Variants in ZC3H12C observed in about 807,000 individuals in gnomAD.
ZC3H12C encodes probable ribonuclease ZC3H12C.
ZC3H12C carries 20 observed loss-of-function variants against 76.3 expected under a neutral mutation model. That is an observed-to-expected ratio of 0.26 (90% CI 0.18 to 0.38). The LOEUF is 0.38. ZC3H12C is among the 10% of genes least tolerant of loss of function. ZC3H12C has a pLI of 1.00. For missense variants in ZC3H12C, 874 were observed against 1,086.5 expected (o/e 0.80, Z 2.75); for synonymous variants, 352 against 399.6 (o/e 0.88, Z 1.42).
chr11:110,129,502 G>A (rs1035470758), intron 1 of ZC3H12C, among the ~76,000 whole-genome samples: 1 of 152,148 alleles, frequency 6.6e-6, no homozygotes, highest in African/African-American at 2.4e-5. Context: ...ATTCACAAAT[G>A]ATCCTAATTG....
chr11:110,129,614 G>A (rs1363176234), intron 1 of ZC3H12C, among the ~76,000 whole-genome samples: 2 of 152,010 alleles, frequency 1.3e-5, no homozygotes, highest in Non-Finnish European at 2.9e-5. Context: ...AAAAGTCTAG[G>A]CTCTGCATAA....
chr11:110,137,671 G>A (rs1387269714), intron 2 of ZC3H12C, among the ~76,000 whole-genome samples: 1 of 151,860 alleles, frequency 6.6e-6, no homozygotes, highest in African/African-American at 2.4e-5. Flanking sequence ...AAATTTCTAT[G>A]GTATAAAAAT....
At chr11:110,134,622 T>C (rs1861922724) in intron 1 of ZC3H12C, among the ~76,000 whole-genome samples, 1 of 152,194 alleles carries the variant, frequency 6.6e-6, no homozygotes, top group African/African-American at 2.4e-5. Flanking sequence ...TGCATATCTA[T>C]ATTAATAGGA....
intron 2 of ZC3H12C, among the ~76,000 whole-genome samples, chr11:110,141,261 T>A (rs1403541816): frequency 6.6e-6 from 1 of 152,092 alleles, no homozygotes; most frequent in African/African-American, 2.4e-5. Flanking sequence ...ACAGGGAAAA[T>A]GCATTAAGCT....
rs1239263463 is a variant in ZC3H12C at position 110,164,759 on chromosome 11, ATAT to A, written c.1675_1677del (p.Tyr559del). 1 of 1,614,032 alleles carries A rather than the reference ATAT, an allele frequency of 6.2e-7. No individual in the cohort carries two copies. The highest frequency in any genetic ancestry group is 8.5e-7 in the Non-Finnish European group (1 of 1,179,900). ...CTCAGGATCAAAGACCACAGGGACA[ATAT>A]CCTTCAATGATGATGGCAACCAAAA... is the stretch of plus-strand genomic sequence containing the variant. On this transcript the variant is annotated inframe_deletion, in exon 6 of 6. Coordinates refer to ENST00000278590, the MANE Select transcript of ZC3H12C (RefSeq NM_033390.2). The surrounding 1 kb of genome is among the most constrained non-coding windows in gnomAD (Gnocchi z 5.7).
intron 1 of ZC3H12C, among the ~76,000 whole-genome samples, chr11:110,118,467 C>T (rs976846743): frequency 6.6e-6 from 1 of 151,836 alleles, no homozygotes; most frequent in Non-Finnish European, 1.5e-5. Flanking sequence ...TTCGCACCAG[C>T]AAGAAGAAAA....
chr11:110,120,805 C>T (rs1449816912), intron 1 of ZC3H12C, among the ~76,000 whole-genome samples: 7 of 152,200 alleles, frequency 4.6e-5, no homozygotes, highest in South Asian at 2.1e-4. Context: ...TTATGCAGCA[C>T]TTAAACATTG....
chr11:110,109,316 C>T (rs1387772837), intron 1 of ZC3H12C, among the ~76,000 whole-genome samples: 1 of 152,150 alleles, frequency 6.6e-6, no homozygotes, highest in African/African-American at 2.4e-5. Context: ...GCTCTCATTC[C>T]TTCCATGGTT....
intron 1 of ZC3H12C, among the ~76,000 whole-genome samples, chr11:110,111,916 T>C (rs1458017897): frequency 6.6e-6 from 1 of 152,072 alleles, no homozygotes; most frequent in African/African-American, 2.4e-5. Flanking sequence ...GGTAAGCTGC[T>C]CTTATCCTCC....
Position 110,169,457 on chromosome 11 carries a change from C to A in ZC3H12C, c.*3720C>A, listed in dbSNP as rs570627752. The stretch of plus-strand genomic sequence containing the variant: ...TAAAGTATGTTTGGTTTTCATTATT[C>A]TTTTTGCTCTCCAACTTCCTTATTC... On this transcript the variant is annotated 3_prime_UTR_variant, in exon 6 of 6. Coordinates refer to ENST00000278590, the MANE Select transcript of ZC3H12C (RefSeq NM_033390.2). 1.3e-5 allele frequency: 2 copies of A among 150,262 alleles called. No individual in the cohort carries two copies. Among genetic ancestry groups the A allele is most frequent in the Non-Finnish European group, 3.0e-5 (2 of 67,502 alleles). The allele number at this position is 150,262 out of a possible 1,614,324, so 9.3% of individuals were successfully genotyped here.
chr11:110,147,371 C>G (rs1212864826), intron 2 of ZC3H12C, among the ~76,000 whole-genome samples: 1 of 151,930 alleles, frequency 6.6e-6, no homozygotes, highest in African/African-American at 2.4e-5. Context: ...GATTTTCTTC[C>G]ATTGAGATGA....
At chr11:110,142,618 G>C (rs1025468162) in intron 2 of ZC3H12C, among the ~76,000 whole-genome samples, 2 of 152,044 alleles carry the variant, frequency 1.3e-5, no homozygotes, top group Non-Finnish European at 2.9e-5. Flanking sequence ...CCTCTCAACT[G>C]TACTGCTGTT....
At chr11:110,123,763 A>G (rs561811765) in intron 1 of ZC3H12C, among the ~76,000 whole-genome samples, 1 of 152,170 alleles carries the variant, frequency 6.6e-6, no homozygotes, top group East Asian at 1.9e-4. Context: ...ATTCTTGAGT[A>G]TTGTTGGAGT....
rs1862553945 is a variant in ZC3H12C at position 110,165,100 on chromosome 11, ATCC to A, written c.2018_2020del (p.Pro673del). ...CACATGCACCCTCACAGCCGCCTTA[ATCC>A]TCAACCGTTCCTGCAGAATTTCCAC... On this transcript the variant is annotated inframe_deletion, in exon 6 of 6. Coordinates refer to ENST00000278590, the MANE Select transcript of ZC3H12C (RefSeq NM_033390.2). 6.2e-7 allele frequency: 1 copy of A among 1,613,634 alleles called. No individual in the cohort carries two copies. Among genetic ancestry groups the A allele is most frequent in the Admixed American group, 1.7e-5 (1 of 60,004 alleles).
intron 1 of ZC3H12C, among the ~76,000 whole-genome samples, chr11:110,093,934 C>A (rs1190713854): frequency 6.6e-6 from 1 of 152,110 alleles, no homozygotes; most frequent in African/African-American, 2.4e-5. Context: ...CGCCAGCAAC[C>A]CCAGGCCGAG....
chr11:110,119,225 T>A (rs1182664827), intron 1 of ZC3H12C, among the ~76,000 whole-genome samples: 1 of 152,174 alleles, frequency 6.6e-6, no homozygotes, highest in African/African-American at 2.4e-5. Flanking sequence ...AATAGGATCA[T>A]CACTTCTCTT....
intron 1 of ZC3H12C, among the ~76,000 whole-genome samples, chr11:110,106,706 G>T (rs1861335722): frequency 6.6e-6 from 1 of 152,052 alleles, no homozygotes; most frequent in African/African-American, 2.4e-5. Flanking sequence ...TTTATACTTG[G>T]TAGTGGCTGA....
At position 110,170,488 on chromosome 11, in the gene ZC3H12C, A is replaced by G. The variant is rs529293858; in HGVS notation, c.*4751A>G. 11 of 152,342 alleles carry G rather than the reference A, an allele frequency of 7.2e-5. No homozygotes were observed. The highest frequency in any genetic ancestry group is 2.4e-4 in the African/African-American group (10 of 41,594). 9.4% of individuals were successfully genotyped at this position (152,342 alleles called of 1,614,324 possible). ...TTGTAATTTCACATGCTATAGCTTT[A>G]TTCTGTAAGATTAAAAATTGTGACT... is the stretch of plus-strand genomic sequence containing the variant. On this transcript the variant is annotated 3_prime_UTR_variant, in exon 6 of 6. Coordinates refer to ENST00000278590, the MANE Select transcript of ZC3H12C (RefSeq NM_033390.2).
chr11:110,142,399 G>A (rs1862082314), intron 2 of ZC3H12C, among the ~76,000 whole-genome samples: 1 of 152,086 alleles, frequency 6.6e-6, no homozygotes, highest in Admixed American at 6.5e-5. Flanking sequence ...AGTGTTACCA[G>A]TTATACAAAA....
Sources: allele counts gnomAD v4.1 joint callset (sites outside exome capture counted in the v4.1 genomes callset), GRCh38; gene constraint gnomAD v4.1.1; non-coding constraint Gnocchi (gnomAD v3.1); transcripts MANE v1.5; gene names NCBI Gene and HGNC (gene_info 2026-07-23, HGNC 2026-07-21).